HEMK2: variants seen among roughly 807,000 people sequenced by gnomAD.
HEMK2 encodes the protein methyltransferase HEMK2.
the HEMK2 span, among the ~76,000 whole-genome samples, chr21:28,718,632 A>T: frequency 1.3e-5 from 2 of 151,808 alleles, no homozygotes. Context: ...AAAAAAATAA[A>T]CTGCTTGAGA....
the HEMK2 span, among the ~76,000 whole-genome samples, chr21:28,881,548 G>C: frequency 1.3e-5 from 2 of 151,870 alleles, no homozygotes; most frequent in African/African-American, 2.4e-5. Flanking sequence ...AGAGCCACCA[G>C]AGAGAAGTTC....
At chr21:28,814,964 A>C in the HEMK2 span, among the ~76,000 whole-genome samples, 1 of 152,216 alleles carries the variant, frequency 6.6e-6, no homozygotes, top group East Asian at 1.9e-4. Flanking sequence ...ACAATAGCAA[A>C]GACTTGGAAC....
the HEMK2 span, among the ~76,000 whole-genome samples, chr21:28,609,566 G>GA: frequency 0.016 from 649 of 41,694 alleles, 28 homozygotes; most frequent in Middle Eastern, 0.034. Context: ...TGAATTGCCA[G>GA]GAAAAAAAAA....
the HEMK2 span, among the ~76,000 whole-genome samples, chr21:28,847,288 A>G: frequency 8.4e-4 from 128 of 152,204 alleles, no homozygotes; most frequent in African/African-American, 3.0e-3. Flanking sequence ...AGCATCATTT[A>G]TTTCTTGACA....
At chr21:28,757,701 A>C in the HEMK2 span, among the ~76,000 whole-genome samples, 22 of 152,346 alleles carry the variant, frequency 1.4e-4, no homozygotes, top group African/African-American at 5.1e-4. Context: ...CAGGGCCAGA[A>C]GAAAGAATTG....
chr21:28,839,080 T>C, the HEMK2 span, among the ~76,000 whole-genome samples: 1 of 142,646 alleles, frequency 7.0e-6, no homozygotes, highest in Admixed American at 7.2e-5. Context: ...TGTGAGTCAA[T>C]AAATGTGATA....
chr21:28,822,485 T>G, the HEMK2 span, among the ~76,000 whole-genome samples: 1 of 151,894 alleles, frequency 6.6e-6, no homozygotes, highest in Admixed American at 6.6e-5. Context: ...ACAAAAAAAA[T>G]TATAGAACAT....
At chr21:28,683,617 G>A in the HEMK2 span, among the ~76,000 whole-genome samples, 4 of 152,082 alleles carry the variant, frequency 2.6e-5, no homozygotes, top group South Asian at 6.2e-4. Context: ...GATGATGCAC[G>A]TTCATGGAAT....
At chr21:28,790,947 C>T in the HEMK2 span, among the ~76,000 whole-genome samples, 1 of 151,602 alleles carries the variant, frequency 6.6e-6, no homozygotes, top group Non-Finnish European at 1.5e-5. Flanking sequence ...CTAACCTGCA[C>T]ATTGTGCACA....
the HEMK2 span, among the ~76,000 whole-genome samples, chr21:28,615,508 T>C: frequency 2.0e-5 from 3 of 151,794 alleles, no homozygotes; most frequent in African/African-American, 7.3e-5. Flanking sequence ...GCTGGAGTCA[T>C]AAGCACACCA....
chr21:28,690,278 C>T, the HEMK2 span, among the ~76,000 whole-genome samples: 49 of 152,218 alleles, frequency 3.2e-4, no homozygotes, highest in African/African-American at 1.2e-3. Context: ...ACTGAGGGAG[C>T]TCCTAGATAA....
the HEMK2 span, among the ~76,000 whole-genome samples, chr21:28,619,519 C>T: frequency 6.6e-6 from 1 of 152,146 alleles, no homozygotes; most frequent in Non-Finnish European, 1.5e-5. Context: ...ATTTTACCAC[C>T]CATTGGCACT....
chr21:28,701,713 G>A, the HEMK2 span, among the ~76,000 whole-genome samples: 1 of 152,064 alleles, frequency 6.6e-6, no homozygotes, highest in Non-Finnish European at 1.5e-5. Flanking sequence ...CATCCCATGT[G>A]CATGGATAGG....
the HEMK2 span, among the ~76,000 whole-genome samples, chr21:28,829,681 GA>G: frequency 6.6e-6 from 1 of 152,140 alleles, no homozygotes; most frequent in East Asian, 1.9e-4. Context: ...TTCTTTTTAA[GA>G]CAAAACTCCA....
chr21:28,703,702 T>G, the HEMK2 span, among the ~76,000 whole-genome samples: 1 of 152,230 alleles, frequency 6.6e-6, no homozygotes, highest in Non-Finnish European at 1.5e-5. Flanking sequence ...GTTACTGTAT[T>G]TCATTTCTTA....
the HEMK2 span, among the ~76,000 whole-genome samples, chr21:28,601,604 ATCTCTCTCTCTCTCTCTCTC>A: frequency 7.9e-6 from 1 of 126,698 alleles, no homozygotes; most frequent in African/African-American, 3.0e-5. Context: ...ACCTTCTGAC[ATCTCTCTCTCTCTCTCTCTC>A]TCTCTCTCTC....
chr21:28,687,541 C>T, the HEMK2 span, among the ~76,000 whole-genome samples: 1 of 152,100 alleles, frequency 6.6e-6, no homozygotes, highest in Non-Finnish European at 1.5e-5. Context: ...AGCATGCACA[C>T]ACCCAGCAAA....
chr21:28,720,477 T>C, the HEMK2 span, among the ~76,000 whole-genome samples: 1 of 152,112 alleles, frequency 6.6e-6, no homozygotes, highest in South Asian at 2.1e-4. Flanking sequence ...TCATGCCTGT[T>C]ATTCTAGCAC....
At chr21:28,678,584 C>A in the HEMK2 span, among the ~76,000 whole-genome samples, 1 of 152,130 alleles carries the variant, frequency 6.6e-6, no homozygotes, top group African/African-American at 2.4e-5. Flanking sequence ...CTCCAAGACA[C>A]ATAATTGTCA....
Sources: gnomAD v4.1 joint callset for allele counts (sites outside exome capture counted in the v4.1 genomes callset) on GRCh38, gnomAD v4.1.1 for gene constraint, MANE v1.5 for transcripts, NCBI Gene and HGNC (gene_info 2026-07-23, HGNC 2026-07-21) for gene names.